DPP10: variants seen among roughly 807,000 people sequenced by gnomAD.
DPP10 encodes dipeptidyl peptidase like 10, also known as inactive dipeptidyl peptidase 10.
A neutral mutation model predicts 120.9 loss-of-function variants in DPP10; 33 were observed. The observed-to-expected ratio is 0.27, with a 90% confidence interval of 0.21 to 0.37. DPP10 has a LOEUF of 0.37. Among genes scored for constraint, DPP10 ranks in the 10% least tolerant of loss-of-function variants. The pLI is 1.00. For synonymous variants in DPP10, 337 were observed against 326.1 expected (o/e 1.03, Z -0.36); for missense variants, 816 against 942.8 (o/e 0.87, Z 1.76).
intron 1 of DPP10, among the ~76,000 whole-genome samples, chr2:114,513,055 G>A (rs1684280460): frequency 6.6e-6 from 1 of 152,008 alleles, no homozygotes; most frequent in South Asian, 2.1e-4. Context: ...AAGAAGAGGA[G>A]GAAGTTGAGA....
At chr2:114,936,195 T>C (rs1402996490) in intron 1 of DPP10, among the ~76,000 whole-genome samples, 1 of 152,068 alleles carries the variant, frequency 6.6e-6, no homozygotes, top group Non-Finnish European at 1.5e-5. Flanking sequence ...ATGCCTTTGC[T>C]TCCTCATAGC....
At chr2:115,325,317 G>C (rs1486083981) in intron 2 of DPP10, among the ~76,000 whole-genome samples, 4 of 152,088 alleles carry the variant, frequency 2.6e-5, no homozygotes, top group African/African-American at 9.7e-5. Context: ...AAAAATGTCA[G>C]AGAATTGTTT....
Position 114,461,610 on chromosome 2 carries a change from A to G in DPP10, c.60+18772A>G, listed in dbSNP as rs138569621. On this transcript the variant is annotated intron_variant, in intron 1 of 25. Coordinates refer to ENST00000410059, the MANE Select transcript of DPP10 (RefSeq NM_020868.6). Reference sequence around the variant, plus strand: ...TTAAACACTTGATGAAAGAAGACCTAGAAGGCTTTAAGAAAGACAGGGTAA... The same window carrying G: ...TTAAACACTTGATGAAAGAAGACCTGGAAGGCTTTAAGAAAGACAGGGTAA... The G allele has an allele frequency of 1.1e-5, 11 of 985,434 alleles. No homozygotes were observed. The East Asian group carries it at 6.8e-4, about 61-fold the overall frequency. 61.0% of individuals were successfully genotyped at this position (985,434 alleles called of 1,614,324 possible).
intron 1 of DPP10, among the ~76,000 whole-genome samples, chr2:114,894,996 CA>C (rs1692847774): frequency 6.6e-6 from 1 of 152,094 alleles, no homozygotes; most frequent in Non-Finnish European, 1.5e-5. Flanking sequence ...GACAGTTAGG[CA>C]AACTACTTAA....
chr2:114,615,977 C>CA (rs1441168062), intron 1 of DPP10, among the ~76,000 whole-genome samples: 2 of 151,946 alleles, frequency 1.3e-5, no homozygotes, highest in Non-Finnish European at 2.9e-5. Context: ...TTGATGAGCC[C>CA]AACTATCTAT....
chr2:114,479,864 G>A (rs1308727090), intron 1 of DPP10, among the ~76,000 whole-genome samples: 2 of 152,066 alleles, frequency 1.3e-5, no homozygotes, highest in Admixed American at 6.6e-5. Flanking sequence ...ATTGACAAAT[G>A]GGATCTAATT....
At chr2:115,062,767 C>T (rs1009509994) in intron 1 of DPP10, among the ~76,000 whole-genome samples, 2 of 152,198 alleles carry the variant, frequency 1.3e-5, no homozygotes, top group African/African-American at 4.8e-5. Flanking sequence ...ATATGTACCA[C>T]ATTTTCTTTA....
At chr2:115,317,492 G>A (rs978363365) in intron 2 of DPP10, among the ~76,000 whole-genome samples, 1 of 152,138 alleles carries the variant, frequency 6.6e-6, no homozygotes, top group East Asian at 1.9e-4. Flanking sequence ...CCTAGGAATG[G>A]AATTGCTAGA....
chr2:114,979,944 G>A (rs2104847132), intron 1 of DPP10, among the ~76,000 whole-genome samples: 1 of 152,102 alleles, frequency 6.6e-6, no homozygotes, highest in East Asian at 1.9e-4. Context: ...AATTTTGTCA[G>A]TTTCTATAGT....
At chr2:115,477,060 C>T (rs144543092) in intron 3 of DPP10, among the ~76,000 whole-genome samples, 1 of 152,158 alleles carries the variant, frequency 6.6e-6, no homozygotes, top group Non-Finnish European at 1.5e-5. Flanking sequence ...GCACACATTA[C>T]TCGCAATGGT....
chr2:115,064,148 T>C (rs953636474), intron 1 of DPP10, among the ~76,000 whole-genome samples: 3 of 152,208 alleles, frequency 2.0e-5, no homozygotes, highest in Non-Finnish European at 4.4e-5. Context: ...TTCTTTTTTT[T>C]TCTTCTTTTC....
chr2:115,368,228 C>T (rs767609037), intron 3 of DPP10, among the ~76,000 whole-genome samples: 1 of 152,074 alleles, frequency 6.6e-6, no homozygotes, highest in Non-Finnish European at 1.5e-5. Context: ...GATAGCTTCT[C>T]TGAATAAAGC....
At chr2:114,744,596 A>T (rs1036854717) in intron 1 of DPP10, among the ~76,000 whole-genome samples, 2 of 152,218 alleles carry the variant, frequency 1.3e-5, no homozygotes, top group Non-Finnish European at 2.9e-5. Context: ...AGAGGCAGTT[A>T]TGCGGAGAAT....
intron 7 of DPP10, among the ~76,000 whole-genome samples, chr2:115,696,565 A>C (rs1007236719): frequency 6.6e-6 from 1 of 152,210 alleles, no homozygotes; most frequent in Admixed American, 6.5e-5. Context: ...ATAAAGAAAA[A>C]TTGACAAGAG....
At chr2:115,020,493 G>A (rs1463569516) in intron 1 of DPP10, among the ~76,000 whole-genome samples, 1 of 151,944 alleles carries the variant, frequency 6.6e-6, no homozygotes, top group Non-Finnish European at 1.5e-5. Flanking sequence ...CCTAACACTG[G>A]AGCTCCCAAA....
At chr2:114,492,752 T>C (rs564786266) in intron 1 of DPP10, among the ~76,000 whole-genome samples, 1 of 152,338 alleles carries the variant, frequency 6.6e-6, no homozygotes, top group East Asian at 1.9e-4. Flanking sequence ...AGCAGCAACA[T>C]TGAGTGCCCT....
At chr2:115,751,794 T>G (rs1575677041) in intron 10 of DPP10, among the ~76,000 whole-genome samples, 1 of 99,660 alleles carries the variant, frequency 1.0e-5, no homozygotes, top group Non-Finnish European at 2.4e-5. Context: ...ACTGTGTTTT[T>G]TTTTTGTTGT....
chr2:115,507,385 A>C (rs568678024), intron 4 of DPP10, among the ~76,000 whole-genome samples: 17 of 152,320 alleles, frequency 1.1e-4, no homozygotes, highest in African/African-American at 3.6e-4. Flanking sequence ...TGAGTAATTC[A>C]TTGAAAATAC....
At chr2:115,752,207 G>T (rs1678826508) in intron 10 of DPP10, among the ~76,000 whole-genome samples, 1 of 152,206 alleles carries the variant, frequency 6.6e-6, no homozygotes, top group Non-Finnish European at 1.5e-5. Context: ...AGGATGGTAT[G>T]GCTGTAGACT....
Sources: allele counts gnomAD v4.1 joint callset (sites outside exome capture counted in the v4.1 genomes callset), GRCh38; gene constraint gnomAD v4.1.1; transcripts MANE v1.5; gene names NCBI Gene and HGNC (gene_info 2026-07-23, HGNC 2026-07-21).